The following PDZRN3 variants were observed in gnomAD, a reference collection of about 807,000 sequenced individuals.
PDZRN3 encodes the protein PDZ domain containing ring finger 3.
Under a neutral mutation model 85.7 loss-of-function variants are expected in PDZRN3, and 38 were observed. That is an observed-to-expected ratio of 0.44 (90% CI 0.34 to 0.58). PDZRN3 has a LOEUF of 0.58. PDZRN3 is among the 20% of genes least tolerant of loss of function. The pLI is 0.01. For missense variants in PDZRN3, 1,629 were observed against 1,506.4 expected, an observed-to-expected ratio of 1.08 and a Z score of -1.35; for synonymous variants, 759 against 638.0, an observed-to-expected ratio of 1.19 and a Z score of -2.86.
intron 3 of PDZRN3, among the ~76,000 whole-genome samples, chr3:73,462,504 A>C (rs1703126735): frequency 7.0e-6 from 1 of 143,640 alleles, no homozygotes; most frequent in Admixed American, 7.7e-5. Context: ...AGATTGCGCC[A>C]CTGCACTCCA....
At chr3:73,588,632 C>A (rs1702310183) in intron 3 of PDZRN3, among the ~76,000 whole-genome samples, 1 of 152,216 alleles carries the variant, frequency 6.6e-6, no homozygotes, top group South Asian at 2.1e-4. Context: ...CCAGAGTTTT[C>A]AGCTGTCTAG....
At chr3:73,492,348 G>A (rs954993007) in intron 3 of PDZRN3, among the ~76,000 whole-genome samples, 4 of 152,312 alleles carry the variant, frequency 2.6e-5, no homozygotes, top group Non-Finnish European at 5.9e-5. Context: ...GCTGGGCTGT[G>A]TGCCTGTGAG....
chr3:73,534,434 G>A (rs549930142), intron 3 of PDZRN3, among the ~76,000 whole-genome samples: 161 of 152,210 alleles, frequency 1.1e-3, no homozygotes, highest in Non-Finnish European at 2.0e-3. Flanking sequence ...CTTTGGAAAT[G>A]AATTTTACAG....
intron 3 of PDZRN3, among the ~76,000 whole-genome samples, chr3:73,499,806 A>T (rs1335665513): frequency 6.6e-6 from 1 of 152,088 alleles, no homozygotes; most frequent in Non-Finnish European, 1.5e-5. Flanking sequence ...CAAGTTACAT[A>T]ATCTCTCCAT....
In PDZRN3 at chr3:73,496,934, C is replaced by G. The variant is rs530949409; in HGVS notation, c.919-92539G>C. ...TATTTGGCCTTGTCTTCAGCAGAAT[C>G]ATTAACGTATGGGCACAGCAAATGG... On this transcript the variant is annotated intron_variant, in intron 3 of 9. Transcript: ENST00000263666. Among the ~76,000 whole-genome samples, 18 of 152,294 alleles carry G rather than the reference C, an allele frequency of 1.2e-4. No individual in the cohort carries two copies. The East Asian group carries it at 2.1e-3, about 18-fold the overall frequency.
intron 3 of PDZRN3, among the ~76,000 whole-genome samples, chr3:73,514,517 A>C (rs986999383): frequency 3.9e-5 from 6 of 152,204 alleles, no homozygotes; most frequent in Non-Finnish European, 8.8e-5. Context: ...TTTGGGCTTT[A>C]AGGGCCATGA....
rs375528245 is a variant in PDZRN3 at position 73,389,845 on chromosome 3, G to A, written c.1387C>T (p.Arg463Cys). ...DPNSIAAKDG[R>C]IREGDRIIQI... ...ATAATGCGGTCTCCTTCTCGGATGC[G>A]CCCATCCTTGGCTGCAATGCTGTTA... Residue 463 changes from arginine (R) to cysteine (C), a missense_variant, in exon 7 of 10, where the codon CGC (arginine) becomes TGC (cysteine). Arg to Cys is a radical substitution (Grantham distance 180). Coordinates refer to ENST00000263666, the MANE Select transcript of PDZRN3 (RefSeq NM_015009.3). The A allele has an allele frequency of 1.9e-5, 31 of 1,613,542 alleles. No homozygotes were observed. Among genetic ancestry groups the A allele is most frequent in the Non-Finnish European group, 2.3e-5 (27 of 1,179,516 alleles).
intron 3 of PDZRN3, among the ~76,000 whole-genome samples, chr3:73,566,324 T>C (rs1701949821): frequency 1.3e-5 from 2 of 152,198 alleles, no homozygotes; most frequent in South Asian, 4.1e-4. Flanking sequence ...TATAACATTT[T>C]CTCAAAATAT....
intron 3 of PDZRN3, among the ~76,000 whole-genome samples, chr3:73,509,212 C>T (rs1332182467): frequency 1.3e-5 from 2 of 152,180 alleles, no homozygotes; most frequent in Admixed American, 1.3e-4. Flanking sequence ...TTTCCAAGCC[C>T]CCCGTGAGGA....
chr3:73,447,200 C>A (rs1236957528), intron 3 of PDZRN3, among the ~76,000 whole-genome samples: 1 of 151,828 alleles, frequency 6.6e-6, no homozygotes, highest in East Asian at 1.9e-4. Context: ...TGTGCCCCTT[C>A]TTCAACTGCA....
intron 3 of PDZRN3, among the ~76,000 whole-genome samples, chr3:73,416,440 C>T (rs944938571): frequency 2.0e-5 from 3 of 151,652 alleles, no homozygotes; most frequent in Non-Finnish European, 4.4e-5. Context: ...CACGCCATAC[C>T]GACATAGTCT....
intron 3 of PDZRN3, among the ~76,000 whole-genome samples, chr3:73,408,700 C>T (rs933810367): frequency 7.2e-5 from 11 of 151,956 alleles, no homozygotes; most frequent in African/African-American, 1.7e-4. Flanking sequence ...TGAGACAAGG[C>T]GGGAGTTTAC....
intron 3 of PDZRN3, among the ~76,000 whole-genome samples, chr3:73,456,208 G>A (rs1428386671): frequency 2.0e-5 from 3 of 152,074 alleles, no homozygotes; most frequent in Non-Finnish European, 2.9e-5. Flanking sequence ...GTGTGTGTGT[G>A]TGTGTGTGCG....
intron 3 of PDZRN3, among the ~76,000 whole-genome samples, chr3:73,576,615 A>G (rs923892104): frequency 2.6e-5 from 4 of 152,202 alleles, no homozygotes; most frequent in Non-Finnish European, 5.9e-5. Flanking sequence ...TCTTTTCAAG[A>G]CAAGCATCAC....
chr3:73,472,804 T>A (rs1482322702), intron 3 of PDZRN3, among the ~76,000 whole-genome samples: 1 of 152,210 alleles, frequency 6.6e-6, no homozygotes, highest in Non-Finnish European at 1.5e-5. Context: ...GAAAGCTGGA[T>A]TAGCAAGTAA....
intron 3 of PDZRN3, among the ~76,000 whole-genome samples, chr3:73,553,818 G>A (rs559876750): frequency 6.6e-5 from 10 of 152,256 alleles, no homozygotes; most frequent in South Asian, 2.1e-4. Flanking sequence ...AAGTAGTGGC[G>A]GCATCTGGAT....
intron 3 of PDZRN3, among the ~76,000 whole-genome samples, chr3:73,588,274 T>A (rs979580169): frequency 5.3e-5 from 8 of 152,380 alleles, no homozygotes; most frequent in African/African-American, 1.9e-4. Context: ...CATTCCTTTT[T>A]ATGGCTGCAT....
At position 73,496,293 on chromosome 3, in the gene PDZRN3, G is replaced by A. The variant is rs113991555; in HGVS notation, c.919-91898C>T. On this transcript the variant is annotated intron_variant, in intron 3 of 9. Transcript: ENST00000263666. ...TTACCTCATTCTTTTTCTTCGGAGA[G>A]GTAAATATTCTGATTTTTATGTTTA... Among the ~76,000 whole-genome samples, 998 of 152,082 alleles carry A rather than the reference G, an allele frequency of 6.6e-3. 12 individuals are homozygous for A. Among genetic ancestry groups the A allele is most frequent in the African/African-American group, 0.023 (944 of 41,490 alleles).
At chr3:73,567,733 A>G (rs1325612191) in intron 3 of PDZRN3, among the ~76,000 whole-genome samples, 3 of 152,196 alleles carry the variant, frequency 2.0e-5, no homozygotes, top group Non-Finnish European at 4.4e-5. Context: ...CTGTTGGAAC[A>G]TAGGAACTCA....
Sources: allele counts gnomAD v4.1 joint callset (sites outside exome capture counted in the v4.1 genomes callset), GRCh38; gene constraint gnomAD v4.1.1; transcripts MANE v1.5; gene names NCBI Gene and HGNC (gene_info 2026-07-23, HGNC 2026-07-21).